The following RANGAP1 variants were observed in gnomAD, a reference collection of about 807,000 sequenced individuals.
RANGAP1 encodes ran GTPase-activating protein 1.
In RANGAP1, 38 loss-of-function variants were observed where a neutral mutation model predicts 63.5. The ratio of observed to expected loss-of-function variants is 0.60; its 90% confidence interval spans 0.46 to 0.78. RANGAP1 has a LOEUF of 0.78. Among genes scored for constraint, RANGAP1 ranks in the 30% least tolerant of loss-of-function variants. RANGAP1 has a pLI of 0.00. For synonymous variants in RANGAP1, 329 were observed against 310.5 expected (o/e 1.06, Z -0.63); for missense variants, 630 against 740.3 (o/e 0.85, Z 1.73).
In RANGAP1 at chr22:41,257,695, C is replaced by T. The variant is rs1047984922; in HGVS notation, c.774+253G>A. Among the ~76,000 whole-genome samples, 7 of 152,220 alleles carry T rather than the reference C, an allele frequency of 4.6e-5. No homozygotes were observed. Among genetic ancestry groups the T allele is most frequent in the Admixed American group, 3.9e-4 (6 of 15,288 alleles). ...AGCCTGAGAACAAACCAGCGGCAGC[C>T]GCTGGGGGCTGCAGAGGCGGCTCAG... is the stretch of plus-strand genomic sequence containing the variant. On this transcript the variant is annotated intron_variant, in intron 7 of 15. Coordinates refer to ENST00000356244, the MANE Select transcript of RANGAP1 (RefSeq NM_002883.4). This position sits in a 1 kb window ranked among gnomAD's most constrained non-coding sequence, Gnocchi z 4.0.
chr22:41,253,034 C>T, intron 11 of RANGAP1, 43 bp from the exon 12 acceptor site: 1 of 1,391,156 alleles, frequency 7.2e-7, no homozygotes, highest in Non-Finnish European at 9.4e-7. Context: ...TTCCGGACCC[C>T]AGACTCCCCG....
chr22:41,254,889 G>A (rs922860549), intron 10 of RANGAP1, among the ~76,000 whole-genome samples: 3 of 151,658 alleles, frequency 2.0e-5, no homozygotes, highest in South Asian at 2.1e-4. Context: ...GGAGAATGGC[G>A]TGAACCCTGG....
chr22:41,250,742 G>A (rs1013190920), intron 13 of RANGAP1, among the ~76,000 whole-genome samples: 1 of 152,108 alleles, frequency 6.6e-6, no homozygotes. Context: ...TGACTATCTG[G>A]ACTTCCTAGA....
intron 4 of RANGAP1, among the ~76,000 whole-genome samples, chr22:41,266,726 G>T (rs1478026965): frequency 6.6e-6 from 1 of 152,196 alleles, no homozygotes; most frequent in African/African-American, 2.4e-5. Context: ...TAGACACAGG[G>T]TTTCAGCATG....
chr22:41,292,839 C>T, the RANGAP1 span, among the ~76,000 whole-genome samples: 1 of 152,054 alleles, frequency 6.6e-6, no homozygotes, highest in Non-Finnish European at 1.5e-5. Flanking sequence ...CACAGTGGCT[C>T]ACGCCTGTAT....
chr22:41,269,318 G>A (rs1352978347), intron 3 of RANGAP1, among the ~76,000 whole-genome samples: 2 of 152,162 alleles, frequency 1.3e-5, no homozygotes, highest in Non-Finnish European at 2.9e-5. Context: ...AAGGTTAGAG[G>A]GAGGGGAGGC....
chr22:41,262,553 G>A (rs1041802889), intron 5 of RANGAP1, among the ~76,000 whole-genome samples: 1 of 152,170 alleles, frequency 6.6e-6, no homozygotes, highest in Non-Finnish European at 1.5e-5. Context: ...GCCGCACATG[G>A]CGGGTGGGTT....
intron 10 of RANGAP1, among the ~76,000 whole-genome samples, chr22:41,255,771 C>T (rs2033791643): frequency 6.6e-6 from 1 of 151,976 alleles, no homozygotes; most frequent in Admixed American, 6.6e-5. Context: ...GTGCACCCAA[C>T]GTTTCTGAAT....
At chr22:41,255,389 A>G (rs2033760386) in intron 10 of RANGAP1, among the ~76,000 whole-genome samples, 1 of 152,054 alleles carries the variant, frequency 6.6e-6, no homozygotes, top group East Asian at 1.9e-4. Flanking sequence ...TGATGGCCCA[A>G]CCGGACTTGG....
At chr22:41,266,227 T>C (rs1049956630) in intron 4 of RANGAP1, among the ~76,000 whole-genome samples, 4 of 101,552 alleles carry the variant, frequency 3.9e-5, no homozygotes, top group Admixed American at 2.1e-4. Flanking sequence ...GCCTAGCCCC[T>C]GGCGATCTGG....
chr22:41,251,104 G>A lies in RANGAP1; in HGVS notation c.1386C>T (p.Asp462=). The part of the protein sequence containing the change: ...KSSVLIAQQT[D]TSDPEKVVSA... ...AGACCACCTTCTCGGGGTCAGACGT[G>A]TCAGTCTGAGGACAAAAGAGACAAT... Residue 462 remains aspartate (D), a synonymous_variant, in exon 13 of 16, where the codon GAC becomes GAT. Coordinates refer to ENST00000356244, the MANE Select transcript of RANGAP1 (RefSeq NM_002883.4). 6.2e-7 allele frequency: 1 copy of A among 1,613,234 alleles called. No homozygotes were observed. Among genetic ancestry groups the A allele is most frequent in the Non-Finnish European group, 8.5e-7 (1 of 1,179,454 alleles).
the RANGAP1 span, among the ~76,000 whole-genome samples, chr22:41,299,169 G>A: frequency 4.6e-5 from 7 of 151,402 alleles, no homozygotes; most frequent in Non-Finnish European, 8.8e-5. Flanking sequence ...GTCTCGCTCT[G>A]TCGCCCAGGC....
At chr22:41,292,519 G>T in the RANGAP1 span, among the ~76,000 whole-genome samples, 1 of 152,074 alleles carries the variant, frequency 6.6e-6, no homozygotes, top group African/African-American at 2.4e-5. Flanking sequence ...CCAGGACTTT[G>T]GGAGGCCGAG....
At chr22:41,252,752 G>T in intron 12 of RANGAP1, 120 bp downstream of exon 12, 1 of 1,196,386 alleles carries the variant, frequency 8.4e-7, no homozygotes, top group South Asian at 2.1e-5. Flanking sequence ...GGCAGGCCAA[G>T]CCTCCCTGCC....
chr22:41,253,166 G>A (rs2033588700), intron 11 of RANGAP1, 175 bp from the exon 12 acceptor site: 4 of 663,386 alleles, frequency 6.0e-6, no homozygotes, highest in Non-Finnish European at 8.4e-6. Flanking sequence ...ATCACCCAGA[G>A]ATGCTGGCCC....
At chr22:41,264,574 C>A in intron 5 of RANGAP1, 90 bp downstream of exon 5, 1 of 1,419,552 alleles carries the variant, frequency 7.0e-7, no homozygotes. Context: ...CTGACCATCC[C>A]AGATGGTGGT....
At chr22:41,290,648 T>C (rs2035828449), upstream of RANGAP1, among the ~76,000 whole-genome samples, 2 of 152,200 alleles carry the variant, frequency 1.3e-5, no homozygotes, top group African/African-American at 4.8e-5. Context: ...TTTTTTGTTG[T>C]TTTTGTAAAG....
intron 15 of RANGAP1, among the ~76,000 whole-genome samples, chr22:41,249,072 G>A (rs2033250838): frequency 6.6e-6 from 1 of 152,230 alleles, no homozygotes; most frequent in East Asian, 1.9e-4. Context: ...TGCACAATGG[G>A]GGCGCCGCAT....
intron 1 of RANGAP1, among the ~76,000 whole-genome samples, chr22:41,284,705 C>T (rs536225613): frequency 5.3e-5 from 8 of 152,260 alleles, no homozygotes; most frequent in African/African-American, 1.9e-4. Flanking sequence ...AACCCTGTCT[C>T]CACTAAAAAT....
Sources: gnomAD v4.1 joint callset for allele counts (sites outside exome capture counted in the v4.1 genomes callset) on GRCh38, gnomAD v4.1.1 for gene constraint, Gnocchi (gnomAD v3.1) non-coding constraint, MANE v1.5 for transcripts, NCBI Gene and HGNC (gene_info 2026-07-23, HGNC 2026-07-21) for gene names.